ABCC1: variants seen among roughly 807,000 people sequenced by gnomAD.
The protein encoded by ABCC1 is multidrug resistance-associated protein 1.
ABCC1 carries 83 observed loss-of-function variants against 172.9 expected under a neutral mutation model. The ratio of observed to expected loss-of-function variants is 0.48; its 90% CI spans 0.40 to 0.58. The LOEUF is 0.58. ABCC1 is among the 20% of genes least tolerant of loss of function. ABCC1 has a pLI of 0.00. For synonymous variants in ABCC1, 937 were observed against 825.2 expected (o/e 1.14, Z -2.32); for missense variants, 1,817 against 2,002.7 (o/e 0.91, Z 1.77).
chr16:15,974,630 A>G (rs968679989), intron 1 of ABCC1, among the ~76,000 whole-genome samples: 1 of 152,182 alleles, frequency 6.6e-6, no homozygotes, highest in East Asian at 1.9e-4. Flanking sequence ...TATTTATGAC[A>G]TACTTCCCAG....
intron 29 of ABCC1, 45 bp downstream of exon 29, chr16:16,136,689 C>T (rs755943203): frequency 1.0e-5 from 16 of 1,598,806 alleles, no homozygotes; most frequent in Admixed American, 5.2e-5. Flanking sequence ...GTGTCCTAGG[C>T]GCCATCTCGG....
chr16:16,136,431 G>T, intron 28 of ABCC1, 47 bp from the exon 29 acceptor site: 2 of 1,601,054 alleles, frequency 1.2e-6, no homozygotes, highest in Non-Finnish European at 1.7e-6. Context: ...ATCCATGTCA[G>T]CGTGACACAG....
rs2047529841 is a variant in ABCC1 at position 16,006,348 on chromosome 16, G to A, written c.49-1468G>A. Among the ~76,000 whole-genome samples, 4 of 151,752 alleles carry A rather than the reference G, an allele frequency of 2.6e-5. No individual in the cohort carries two copies. The South Asian group carries it at 8.3e-4, about 31-fold the overall frequency. On this transcript the variant is annotated intron_variant, in intron 1 of 30. Coordinates refer to ENST00000399410, the MANE Select transcript of ABCC1 (RefSeq NM_004996.4). ...GTGGGAGGACTGCTTGAGCCCAAAAGTTCAAGGCACAGGAAGCTGTGATCT... is the reference window on the plus strand; with the variant it reads ...GTGGGAGGACTGCTTGAGCCCAAAAATTCAAGGCACAGGAAGCTGTGATCT...
chr16:16,047,417 A>G (rs575817872), intron 9 of ABCC1, among the ~76,000 whole-genome samples: 3 of 151,968 alleles, frequency 2.0e-5, no homozygotes, highest in Non-Finnish European at 4.4e-5. Flanking sequence ...TCAGCCCACC[A>G]CGTAGCTGGG....
At chr16:16,058,443 A>G (rs2049764365) in intron 12 of ABCC1, among the ~76,000 whole-genome samples, 1 of 152,188 alleles carries the variant, frequency 6.6e-6, no homozygotes, top group Non-Finnish European at 1.5e-5. Flanking sequence ...CTTTTCTGTT[A>G]AACTACCATC....
intron 1 of ABCC1, among the ~76,000 whole-genome samples, chr16:16,004,408 C>T (rs2047441384): frequency 6.6e-6 from 1 of 152,146 alleles, no homozygotes; most frequent in South Asian, 2.1e-4. Flanking sequence ...AGAAGCTGTT[C>T]TGTATATAAT....
At chr16:15,964,648 G>A (rs1375962351) in intron 1 of ABCC1, among the ~76,000 whole-genome samples, 1 of 150,830 alleles carries the variant, frequency 6.6e-6, no homozygotes, top group Non-Finnish European at 1.5e-5. Flanking sequence ...GGATTATGTT[G>A]TAATCATTAC....
intron 5 of ABCC1, among the ~76,000 whole-genome samples, chr16:16,027,334 C>T (rs2048409875): frequency 6.6e-6 from 1 of 152,120 alleles, no homozygotes; most frequent in African/African-American, 2.4e-5. Context: ...AGCTGCCATA[C>T]TCATTTATAA....
At chr16:15,955,211 C>G (rs1050454083) in intron 1 of ABCC1, among the ~76,000 whole-genome samples, 1 of 152,142 alleles carries the variant, frequency 6.6e-6, no homozygotes, top group Non-Finnish European at 1.5e-5. Flanking sequence ...CAAAAATTAG[C>G]CGAGCCTGGT....
rs147473667 is a variant in ABCC1 at position 15,960,972 on chromosome 16, G to T, written c.48+11173G>T. Among the ~76,000 whole-genome samples, 328 of 147,426 alleles carry T rather than the reference G, an allele frequency of 2.2e-3. 1 individual carries two copies. The highest frequency in any genetic ancestry group is 8.0e-3 in the African/African-American group (319 of 39,986). Reference sequence around the variant, plus strand: ...TCCCTGGCAGAAGCAAGAACCTTCTGATCTGTTTATGTTTGAATGAAACGC... The same window carrying T: ...TCCCTGGCAGAAGCAAGAACCTTCTTATCTGTTTATGTTTGAATGAAACGC... On this transcript the variant is annotated intron_variant, in intron 1 of 30. Coordinates refer to ENST00000399410, the MANE Select transcript of ABCC1 (RefSeq NM_004996.4).
chr16:15,999,572 T>C (rs2047174335), intron 1 of ABCC1, among the ~76,000 whole-genome samples: 1 of 150,250 alleles, frequency 6.7e-6, no homozygotes, highest in Non-Finnish European at 1.5e-5. Context: ...CTGAAATCTC[T>C]CCATTGCACT....
intron 1 of ABCC1, among the ~76,000 whole-genome samples, chr16:15,976,267 C>CAAAAAAAA (rs1156609074): frequency 3.3e-5 from 5 of 152,008 alleles, no homozygotes; most frequent in African/African-American, 4.8e-5. Flanking sequence ...AACTCTGTCT[C>CAAAAAAAA]AAAAAAGAAA....
chr16:16,130,178 G>C (rs983348484), intron 26 of ABCC1, among the ~76,000 whole-genome samples: 1 of 152,206 alleles, frequency 6.6e-6, no homozygotes, highest in African/African-American at 2.4e-5. Flanking sequence ...CTCCCACATG[G>C]GGTTGCTGTG....
chr16:16,055,325 G>A (rs2049601195), intron 11 of ABCC1, among the ~76,000 whole-genome samples: 1 of 151,866 alleles, frequency 6.6e-6, no homozygotes, highest in African/African-American at 2.4e-5. Flanking sequence ...GGCCGAGGTT[G>A]GATCACTTGA....
chr16:16,118,880 T>C (rs1321271081), intron 23 of ABCC1, among the ~76,000 whole-genome samples: 1 of 109,576 alleles, frequency 9.1e-6, no homozygotes, highest in South Asian at 3.1e-4. Flanking sequence ...CCTAAGTGTA[T>C]ATTAAAAAAA....
intron 30 of ABCC1, among the ~76,000 whole-genome samples, chr16:16,139,887 A>G (rs1470796234): frequency 1.3e-5 from 2 of 152,150 alleles, no homozygotes; most frequent in African/African-American, 4.8e-5. Flanking sequence ...GCGATCTGCA[A>G]CCTTGTTCTT....
intron 1 of ABCC1, among the ~76,000 whole-genome samples, chr16:15,997,982 GTA>G (rs2047116949): frequency 6.8e-6 from 1 of 147,338 alleles, no homozygotes. Flanking sequence ...GCTGGCTAAT[GTA>G]TTTTTTTTTT....
chr16:15,998,537 C>G (rs183663294), intron 1 of ABCC1, among the ~76,000 whole-genome samples: 1 of 152,306 alleles, frequency 6.6e-6, no homozygotes, highest in East Asian at 1.9e-4. Context: ...CTTTCTGTAA[C>G]AGTCATAGTT....
intron 16 of ABCC1, 37 bp downstream of exon 16, chr16:16,079,515 G>A (rs1270796391): frequency 6.3e-7 from 1 of 1,589,350 alleles, no homozygotes; most frequent in South Asian, 1.1e-5. Context: ...CAGTGGGGAA[G>A]CTGGTGGTCT....
Sources: allele counts gnomAD v4.1 joint callset (sites outside exome capture counted in the v4.1 genomes callset), GRCh38; gene constraint gnomAD v4.1.1; transcripts MANE v1.5; gene names NCBI Gene and HGNC (gene_info 2026-07-23, HGNC 2026-07-21).